Variants in DNAH12 observed in about 807,000 individuals in gnomAD.
The protein encoded by DNAH12 is axonemal beta dynein heavy chain 12.
DNAH12 carries 285 observed loss-of-function variants against 371.5 expected under a neutral mutation model. The observed-to-expected ratio is 0.77, with a 90% confidence interval of 0.70 to 0.85. The LOEUF (loss-of-function observed/expected upper bound fraction) is 0.85. Ranked by LOEUF, DNAH12 falls within the 40% of genes least tolerant of loss-of-function variation. The pLI, the probability that DNAH12 is intolerant of heterozygous loss-of-function variation, is 0.00. For synonymous variants in DNAH12, 1,200 were observed against 1,213.0 expected (o/e 0.99, Z 0.22); for missense variants, 3,611 against 3,689.4 (o/e 0.98, Z 0.55).
chr3:57,409,504 T>C (rs555766510), intron 39 of DNAH12, among the ~76,000 whole-genome samples: 265 of 152,078 alleles, frequency 1.7e-3, no homozygotes, highest in African/African-American at 6.1e-3. Flanking sequence ...TTACAAAATA[T>C]TACATGTAAT....
the DNAH12 span, among the ~76,000 whole-genome samples, chr3:57,552,190 A>G: frequency 7.3e-5 from 11 of 150,718 alleles, no homozygotes; most frequent in Non-Finnish European, 8.9e-5. Context: ...GCTTGCAGTG[A>G]GCCGAGATCA....
intron 1 of DNAH12, among the ~76,000 whole-genome samples, chr3:57,543,905 G>C (rs1222551353): frequency 6.6e-6 from 1 of 151,874 alleles, no homozygotes; most frequent in East Asian, 2.0e-4. Flanking sequence ...AAATTAGCCG[G>C]GCGTGGTGGC....
rs1489166365 is a variant in DNAH12 at position 57,408,488 on chromosome 3, A to C, written c.6068T>G (p.Leu2023Arg). ...ACCTGGAGGGCCCATTGCAGCAATCAGCTCTATGTCCACCAGCGTGATTTT... is the reference window on the plus strand; with the variant it reads ...ACCTGGAGGGCCCATTGCAGCAATCCGCTCTATGTCCACCAGCGTGATTTT... ...TSKITLVDIE[L>R]IAAMGPPGGG... Residue 2023 changes from leucine to arginine, a missense_variant, in exon 40 of 74, where the codon CTG (leucine) becomes CGG (arginine). Around this residue, in one of 3 missense-constraint regions of DNAH12, gnomAD observed 2,266 missense variants for 2,236.9 expected, o/e 1.01. Coordinates refer to ENST00000495027, the MANE Select transcript of DNAH12 (RefSeq NM_001366028.2). The C allele has an allele frequency of 6.4e-7, 1 of 1,551,142 alleles. No individual in the cohort carries two copies. Among genetic ancestry groups the C allele is most frequent in the Non-Finnish European group, 8.7e-7 (1 of 1,146,808 alleles).
chr3:57,323,573 T>C lies in DNAH12; in HGVS notation c.10025A>G (p.Lys3342Arg), dbSNP rs991315088. The C allele has an allele frequency of 7.1e-6, 11 of 1,548,982 alleles. No individual in the cohort carries two copies. Among genetic ancestry groups the C allele is most frequent in the African/African-American group, 2.7e-5 (2 of 72,920 alleles). ...TNYVTDKLGK[K>R]FVEPPPFDLT... ...ATCAAATGGTGGAGGCTCTACAAAC[T>C]TTTTCCCTAGTTTGTCAGTTACATA... Residue 3342 changes from lysine to arginine, a missense_variant, in exon 63 of 74, where the codon AAG becomes AGG. Around this residue, in one of 3 missense-constraint regions of DNAH12, gnomAD observed 2,266 missense variants for 2,236.9 expected, o/e 1.01. Coordinates refer to ENST00000495027, the MANE Select transcript of DNAH12 (RefSeq NM_001366028.2).
intron 58 of DNAH12, among the ~76,000 whole-genome samples, chr3:57,360,270 C>G (rs1353604012): frequency 6.6e-6 from 1 of 152,066 alleles, no homozygotes; most frequent in Non-Finnish European, 1.5e-5. Flanking sequence ...CTTTGGCTCC[C>G]CCAAGATGAA....
At chr3:57,354,186 G>T (rs2062744615) in intron 59 of DNAH12, among the ~76,000 whole-genome samples, 1 of 152,246 alleles carries the variant, frequency 6.6e-6, no homozygotes, top group Admixed American at 6.5e-5. Context: ...ATACAACACA[G>T]CCACCAAAAG....
At chr3:57,476,538 T>C (rs1236920794) in intron 13 of DNAH12, among the ~76,000 whole-genome samples, 2 of 151,684 alleles carry the variant, frequency 1.3e-5, no homozygotes, top group African/African-American at 4.9e-5. Context: ...CACTCCAGCC[T>C]GGGTGACAGA....
intron 59 of DNAH12, among the ~76,000 whole-genome samples, chr3:57,355,434 T>C (rs1313444870): frequency 6.7e-6 from 1 of 150,292 alleles, no homozygotes; most frequent in East Asian, 1.9e-4. Context: ...TAACATCACA[T>C]GTTGAAGGGG....
chr3:57,384,196 T>A (rs1434326533), intron 49 of DNAH12, among the ~76,000 whole-genome samples: 1 of 152,082 alleles, frequency 6.6e-6, no homozygotes, highest in African/African-American at 2.4e-5. Context: ...GGCCTTTAAG[T>A]TTTTCTGTGT....
At chr3:57,361,444 C>CACTATATATATATA (rs1409626573) in intron 58 of DNAH12, among the ~76,000 whole-genome samples, 36 of 116,678 alleles carry the variant, frequency 3.1e-4, no homozygotes, top group African/African-American at 1.3e-3. Context: ...CACACACACA[C>CACTATATATATATA]TATATATATA....
At chr3:57,461,791 T>C (rs2066061998) in intron 18 of DNAH12, 102 bp from the exon 19 acceptor site, 2 of 920,170 alleles carry the variant, frequency 2.2e-6, no homozygotes, top group South Asian at 3.4e-5. Context: ...ATGTATTACA[T>C]TATCATTTCC....
intron 2 of DNAH12, among the ~76,000 whole-genome samples, chr3:57,534,164 GTC>G (rs150390530): frequency 0.19 from 28,757 of 151,986 alleles, 2,927 homozygotes; most frequent in African/African-American, 0.24. Context: ...TCAATGCAAA[GTC>G]TCACAATCAC....
intron 60 of DNAH12, among the ~76,000 whole-genome samples, chr3:57,347,367 T>C (rs1180333573): frequency 6.6e-6 from 1 of 152,156 alleles, no homozygotes; most frequent in Non-Finnish European, 1.5e-5. Context: ...ATGTAATTCA[T>C]CATAGCAAGA....
chr3:57,422,336 T>G (rs938853625), intron 35 of DNAH12, among the ~76,000 whole-genome samples: 2 of 152,112 alleles, frequency 1.3e-5, no homozygotes, highest in Non-Finnish European at 2.9e-5. Context: ...CAAGCTATTC[T>G]CCTGCCTCAG....
chr3:57,405,626 C>A, intron 41 of DNAH12, 27 bp downstream of exon 41: 1 of 1,541,006 alleles, frequency 6.5e-7, no homozygotes, highest in South Asian at 1.2e-5. Flanking sequence ...TGCTTTAACT[C>A]AATATGTTCT....
chr3:57,471,489 G>A lies in DNAH12; in HGVS notation c.1894C>T (p.Leu632=), dbSNP rs760709684. The A allele has an allele frequency of 1.0e-5, 16 of 1,546,676 alleles. No homozygotes were observed. Among genetic ancestry groups the A allele is most frequent in the Non-Finnish European group, 1.4e-5 (16 of 1,146,146 alleles). Residue 632 remains leucine, a synonymous_variant, in exon 15 of 74, where the codon CTG becomes TTG. Coordinates refer to ENST00000495027, the MANE Select transcript of DNAH12 (RefSeq NM_001366028.2). ...RMEEFTEFAE[L]ERMQQYVTDV... is the part of the protein sequence containing the mutation. ...TATCAGACCTGTTGCATGCGCTCCA[G>A]CTCTGCAAATTCTGTAAACTCCTCC...
At chr3:57,513,076 T>C (rs1321382393) in intron 4 of DNAH12, among the ~76,000 whole-genome samples, 1 of 150,724 alleles carries the variant, frequency 6.6e-6, no homozygotes, top group African/African-American at 2.4e-5. Context: ...AAGCGGAGAT[T>C]GCAGTGAGCC....
the DNAH12 span, among the ~76,000 whole-genome samples, chr3:57,551,712 C>G: frequency 3.7e-4 from 56 of 151,810 alleles, no homozygotes; most frequent in African/African-American, 1.2e-3. Flanking sequence ...ACAACAGCCA[C>G]TTAATAATTT....
chr3:57,302,663 C>A (rs575629018), intron 69 of DNAH12, among the ~76,000 whole-genome samples: 1 of 142,044 alleles, frequency 7.0e-6, no homozygotes, highest in South Asian at 2.4e-4. Context: ...GCAACCTCCC[C>A]CTCCCAGGTT....
Sources: gnomAD v4.1 joint callset for allele counts (sites outside exome capture counted in the v4.1 genomes callset) on GRCh38, gnomAD v4.1.1 for gene constraint, gnomAD v4.1.1 regional missense constraint, MANE v1.5 for transcripts, NCBI Gene and HGNC (gene_info 2026-07-23, HGNC 2026-07-21) for gene names.